Variants in IQCM observed in about 807,000 individuals in gnomAD.
The protein encoded by IQCM is IQ domain-containing protein M.
IQCM carries 45 observed loss-of-function variants against 57.6 expected under a neutral mutation model. The observed-to-expected ratio is 0.78, with a 90% confidence interval of 0.62 to 1.00. IQCM has a LOEUF of 1.00. IQCM is among the 50% of genes least tolerant of loss of function. IQCM has a pLI of 0.00. For synonymous variants in IQCM, 148 were observed against 158.9 expected (o/e 0.93, Z 0.51); for missense variants, 468 against 511.6 (o/e 0.91, Z 0.82).
intron 13 of IQCM, among the ~76,000 whole-genome samples, chr4:149,420,944 A>C (rs1002838253): frequency 1.3e-5 from 2 of 152,036 alleles, no homozygotes; most frequent in African/African-American, 4.8e-5. Flanking sequence ...TAAAGTCTAT[A>C]GTAGGTGCCC....
chr4:149,711,878 G>A (rs1764586560), intron 5 of IQCM, among the ~76,000 whole-genome samples: 1 of 152,154 alleles, frequency 6.6e-6, no homozygotes, highest in Non-Finnish European at 1.5e-5. Context: ...ATATGTCTTT[G>A]TGAATGCCTC....
intron 7 of IQCM, among the ~76,000 whole-genome samples, chr4:149,658,424 A>T (rs553813980): frequency 6.6e-6 from 1 of 152,002 alleles, no homozygotes; most frequent in Non-Finnish European, 1.5e-5. Context: ...TATATTTTTA[A>T]GTCATGTTGT....
chr4:149,531,605 T>A (rs1005520513), intron 12 of IQCM, among the ~76,000 whole-genome samples: 2 of 152,112 alleles, frequency 1.3e-5, no homozygotes, highest in Admixed American at 6.6e-5. Context: ...CAGGTGCTTA[T>A]AGTCTAGTAT....
At chr4:149,768,107 ATAAT>A (rs956008362) in intron 2 of IQCM, among the ~76,000 whole-genome samples, 18 of 152,138 alleles carry the variant, frequency 1.2e-4, no homozygotes, top group Non-Finnish European at 2.2e-4. Context: ...TCCTAAAATA[ATAAT>A]TAAACTGGAG....
intron 7 of IQCM, among the ~76,000 whole-genome samples, chr4:149,658,376 G>T (rs1255049469): frequency 1.3e-5 from 2 of 151,842 alleles, no homozygotes; most frequent in African/African-American, 2.4e-5. Flanking sequence ...TGGTTTTTAT[G>T]CCAGTACAAT....
At chr4:149,646,245 T>G (rs7686111) in intron 7 of IQCM, among the ~76,000 whole-genome samples, 32,210 of 152,148 alleles carry the variant, frequency 0.21, 4,264 homozygotes, top group Non-Finnish European at 0.28. Context: ...ACTCTATTGT[T>G]TATGTCTCTT....
chr4:149,492,172 G>A (rs1462896166), intron 12 of IQCM, among the ~76,000 whole-genome samples: 1 of 151,964 alleles, frequency 6.6e-6, no homozygotes, highest in East Asian at 1.9e-4. Flanking sequence ...CAGATACATG[G>A]TTTGCAAGTA....
Position 149,563,868 on chromosome 4 carries a change from T to G in IQCM, c.772A>C (p.Thr258Pro). The G allele has an allele frequency of 1.6e-6, 2 of 1,229,740 alleles. No homozygotes were observed. Among genetic ancestry groups the G allele is most frequent in the Non-Finnish European group, 2.0e-6 (2 of 985,854 alleles). 76.2% of individuals were successfully genotyped at this position (1,229,740 alleles called of 1,614,324 possible). Residue 258 changes from threonine to proline, a missense_variant, in exon 10 of 14, where the codon ACT becomes CCT. Thr to Pro is a conservative substitution (Grantham distance 38). Transcript: ENST00000636793. ...TTAACTTTACTGTCAAGTTTATCAGTTTTATTTGGAGTACCTTTTATCCTA... is the reference window on the plus strand; with the variant it reads ...TTAACTTTACTGTCAAGTTTATCAGGTTTATTTGGAGTACCTTTTATCCTA... ...QPRIKGTPNK[T>P]DKLDSKVKRI...
At chr4:149,401,645 A>C (rs540101475) in intron 13 of IQCM, among the ~76,000 whole-genome samples, 232 of 151,990 alleles carry the variant, frequency 1.5e-3, no homozygotes, top group African/African-American at 5.3e-3. Context: ...GCAGATTCAA[A>C]GTACAATGAA....
At chr4:149,707,113 T>A (rs985510778) in intron 5 of IQCM, among the ~76,000 whole-genome samples, 19 of 152,022 alleles carry the variant, frequency 1.2e-4, no homozygotes, top group Admixed American at 1.1e-3. Context: ...AATAAAGTAA[T>A]GGAAAAGCTC....
intron 2 of IQCM, among the ~76,000 whole-genome samples, chr4:149,748,371 C>A (rs1353782946): frequency 2.6e-5 from 4 of 152,154 alleles, no homozygotes; most frequent in African/African-American, 4.8e-5. Context: ...ATATTCCCAG[C>A]TTACATGAAA....
chr4:149,728,198 G>A, intron 5 of IQCM, among the ~76,000 whole-genome samples: 1 of 152,024 alleles, frequency 6.6e-6, no homozygotes, highest in East Asian at 1.9e-4. Context: ...CCACACCTTG[G>A]GTCATTGAAA....
chr4:149,738,258 C>G (rs1046916944), intron 3 of IQCM, among the ~76,000 whole-genome samples: 2 of 152,200 alleles, frequency 1.3e-5, no homozygotes, highest in African/African-American at 4.8e-5. Context: ...GGAAATTCCT[C>G]TGAAACTTGG....
chr4:149,522,896 A>G (rs550002676), intron 12 of IQCM, among the ~76,000 whole-genome samples: 1 of 152,326 alleles, frequency 6.6e-6, no homozygotes, highest in East Asian at 1.9e-4. Context: ...AACCCCAAAG[A>G]TAAAAGAAAA....
At chr4:149,441,775 A>G (rs1735964239) in intron 12 of IQCM, among the ~76,000 whole-genome samples, 1 of 152,106 alleles carries the variant, frequency 6.6e-6, no homozygotes, top group Admixed American at 6.6e-5. Context: ...TCCCATTCCT[A>G]TGATTTGAAT....
At chr4:149,508,219 C>T (rs1043598004) in intron 12 of IQCM, among the ~76,000 whole-genome samples, 2 of 151,944 alleles carry the variant, frequency 1.3e-5, no homozygotes, top group African/African-American at 4.8e-5. Flanking sequence ...GGTCAGAGCC[C>T]CCAAACAAAG....
chr4:149,465,167 A>T (rs1481032860), intron 12 of IQCM, among the ~76,000 whole-genome samples: 2 of 152,216 alleles, frequency 1.3e-5, no homozygotes, highest in African/African-American at 2.4e-5. Context: ...AGATTTTTTT[A>T]CATTATTGAA....
At chr4:149,636,492 G>A (rs1157548548) in intron 7 of IQCM, among the ~76,000 whole-genome samples, 1 of 151,970 alleles carries the variant, frequency 6.6e-6, no homozygotes, top group Non-Finnish European at 1.5e-5. Context: ...TTTTGATTTG[G>A]AAGTGGAGCA....
At chr4:149,626,258 C>G (rs1251623273) in intron 7 of IQCM, among the ~76,000 whole-genome samples, 1 of 151,864 alleles carries the variant, frequency 6.6e-6, no homozygotes, top group South Asian at 2.1e-4. Flanking sequence ...CTGGATGCTT[C>G]CTGCCCTCGA....
Sources: allele counts gnomAD v4.1 joint callset (sites outside exome capture counted in the v4.1 genomes callset), GRCh38; gene constraint gnomAD v4.1.1; transcripts MANE v1.5; gene names NCBI Gene and HGNC (gene_info 2026-07-23, HGNC 2026-07-21).